Variants in STPG2 observed in about 807,000 individuals in gnomAD.
STPG2 encodes sperm tail PG-rich repeat containing 2.
Under a neutral mutation model 54.2 loss-of-function variants are expected in STPG2, and 56 were observed. That is an observed-to-expected ratio of 1.03 (90% CI 0.83 to 1.29). STPG2 has a LOEUF of 1.29. Among genes scored for constraint, STPG2 ranks in the 50% most tolerant of loss-of-function variants. STPG2 has a pLI of 0.00. For synonymous variants in STPG2, 200 were observed against 181.8 expected (o/e 1.10, Z -0.81); for missense variants, 596 against 544.9 (o/e 1.09, Z -0.93).
chr4:98,084,061 T>C (rs1215437647), intron 5 of STPG2, among the ~76,000 whole-genome samples: 1 of 152,000 alleles, frequency 6.6e-6, no homozygotes, highest in East Asian at 1.9e-4. Flanking sequence ...AGAGGCCAGG[T>C]CTTGAACTCC....
chr4:98,006,823 C>T (rs556257961), intron 5 of STPG2, among the ~76,000 whole-genome samples: 2 of 152,168 alleles, frequency 1.3e-5, no homozygotes, highest in South Asian at 2.1e-4. Flanking sequence ...GAACTGAGCC[C>T]AATCAGTTCC....
chr4:97,839,785 G>A (rs996915916), intron 9 of STPG2, among the ~76,000 whole-genome samples: 18 of 151,636 alleles, frequency 1.2e-4, no homozygotes, highest in Non-Finnish European at 2.7e-4. Flanking sequence ...TGGATCTCAG[G>A]CTGTCCAAGT....
intron 10 of STPG2, among the ~76,000 whole-genome samples, chr4:97,569,987 C>G (rs920846735): frequency 6.6e-6 from 1 of 151,804 alleles, no homozygotes; most frequent in African/African-American, 2.4e-5. Context: ...ATATATTACT[C>G]CAACAAAAAG....
chr4:97,518,796 T>C (rs563904587), intron 4 of STPG2, among the ~76,000 whole-genome samples: 2 of 152,178 alleles, frequency 1.3e-5, no homozygotes, highest in South Asian at 4.2e-4. Context: ...AATGCCTTCC[T>C]ACTATCTATT....
intron 9 of STPG2, among the ~76,000 whole-genome samples, chr4:97,770,056 C>A (rs1159816599): frequency 6.6e-6 from 1 of 151,866 alleles, no homozygotes; most frequent in East Asian, 1.9e-4. Flanking sequence ...ACTAAAAATA[C>A]AAAAATTACA....
intron 2 of STPG2, among the ~76,000 whole-genome samples, chr4:98,133,440 A>G (rs1740054522): frequency 1.3e-5 from 2 of 152,002 alleles, no homozygotes; most frequent in African/African-American, 4.8e-5. Flanking sequence ...AACTTCACTC[A>G]GCTTTTAAGA....
At chr4:97,626,952 G>T (rs1220706729) in intron 10 of STPG2, among the ~76,000 whole-genome samples, 1 of 151,818 alleles carries the variant, frequency 6.6e-6, no homozygotes, top group Non-Finnish European at 1.5e-5. Context: ...TTTTTTCTAT[G>T]TTGTCGACAT....
chr4:98,013,816 C>A (rs1159842199), intron 5 of STPG2, among the ~76,000 whole-genome samples: 4 of 151,466 alleles, frequency 2.6e-5, no homozygotes, highest in African/African-American at 9.7e-5. Flanking sequence ...GTGGTGATAT[C>A]CCCTTTATTA....
intron 9 of STPG2, among the ~76,000 whole-genome samples, chr4:97,745,339 T>C (rs532892740): frequency 6.6e-6 from 1 of 150,906 alleles, no homozygotes; most frequent in African/African-American, 2.4e-5. Flanking sequence ...AAAGCAATTA[T>C]GACATATTTA....
chr4:97,732,236 C>T (rs6853916), intron 9 of STPG2, among the ~76,000 whole-genome samples: 64,520 of 152,030 alleles, frequency 0.42, 14,230 homozygotes, highest in Admixed American at 0.54. Flanking sequence ...CCCTCCATCT[C>T]CTCTCTGGGA....
chr4:97,467,843 C>CT (rs575151800), intron 4 of STPG2, among the ~76,000 whole-genome samples: 3,150 of 133,980 alleles, frequency 0.024, 74 homozygotes, highest in African/African-American at 0.07. Flanking sequence ...GCTGCTTTTG[C>CT]TTTTTTTTTT....
Position 97,903,813 on chromosome 4 carries a change from T to G in STPG2, c.1044+40084A>C, listed in dbSNP as rs145604151. On this transcript the variant is annotated intron_variant, in intron 8 of 10. Transcript: ENST00000295268. The stretch of plus-strand genomic sequence containing the variant: ...AAGCGCAAGGGGTCAGGGAGTTCCC[T>G]TTCCTAGTCAAAAAAAGGGGTGACA... 4.4e-3 allele frequency among the ~76,000 whole-genome samples: 671 copies of G among 152,306 alleles called. 4 individuals carry two copies. The highest frequency in any genetic ancestry group is 4.5e-3 in the Non-Finnish European group (306 of 68,020).
chr4:97,661,617 T>C (rs1366535018), intron 10 of STPG2, among the ~76,000 whole-genome samples: 1 of 152,052 alleles, frequency 6.6e-6, no homozygotes, highest in African/African-American at 2.4e-5. Flanking sequence ...AGGGTATAGC[T>C]GAAATTCTCT....
chr4:98,032,086 G>A (rs1736617496), intron 5 of STPG2, among the ~76,000 whole-genome samples: 1 of 152,190 alleles, frequency 6.6e-6, no homozygotes, highest in African/African-American at 2.4e-5. Context: ...CATGGATGTG[G>A]TGAACAGGGA....
intron 4 of STPG2, among the ~76,000 whole-genome samples, chr4:97,552,666 T>A (rs1258666867): frequency 6.6e-6 from 1 of 152,162 alleles, no homozygotes; most frequent in African/African-American, 2.4e-5. Flanking sequence ...ATTTGTATAA[T>A]TTTAATTTTT....
intron 4 of STPG2, among the ~76,000 whole-genome samples, chr4:97,485,448 C>G (rs777027999): frequency 4.6e-5 from 7 of 151,608 alleles, no homozygotes; most frequent in Admixed American, 6.6e-5. Flanking sequence ...AGAACTCAAC[C>G]CCTTTTACAA....
chr4:97,589,457 G>A (rs1560674560), intron 10 of STPG2, among the ~76,000 whole-genome samples: 1 of 152,002 alleles, frequency 6.6e-6, no homozygotes, highest in Non-Finnish European at 1.5e-5. Context: ...CCTAACAATT[G>A]TTAAATTCAT....
chr4:98,064,780 T>C (rs1737774610), intron 5 of STPG2, among the ~76,000 whole-genome samples: 2 of 152,232 alleles, frequency 1.3e-5, no homozygotes, highest in African/African-American at 4.8e-5. Context: ...AATGTATCTG[T>C]CTTGTCAGTA....
At chr4:97,779,167 G>T (rs1051325899) in intron 9 of STPG2, among the ~76,000 whole-genome samples, 2 of 152,156 alleles carry the variant, frequency 1.3e-5, no homozygotes, top group African/African-American at 4.8e-5. Flanking sequence ...CCAACCCAAA[G>T]AAGCTGAAAA....
Sources: gnomAD v4.1 joint callset for allele counts (sites outside exome capture counted in the v4.1 genomes callset) on GRCh38, gnomAD v4.1.1 for gene constraint, MANE v1.5 for transcripts, NCBI Gene and HGNC (gene_info 2026-07-23, HGNC 2026-07-21) for gene names.